RBM47: variants seen among roughly 807,000 people sequenced by gnomAD.
RBM47 encodes RNA binding motif protein 47, also known as RNA-binding protein 47.
RBM47 carries 21 observed loss-of-function variants against 47.1 expected under a neutral mutation model. The observed-to-expected ratio is 0.45, with a 90% CI of 0.32 to 0.64. RBM47 has a LOEUF of 0.64. Ranked by LOEUF, RBM47 falls within the 30% of genes least tolerant of loss-of-function variation. The pLI is 0.05. For missense variants in RBM47, 708 were observed against 870.9 expected, an observed-to-expected ratio of 0.81 and a Z score of 2.35; for synonymous variants, 375 against 361.7, an observed-to-expected ratio of 1.04 and a Z score of -0.42.
intron 2 of RBM47, among the ~76,000 whole-genome samples, chr4:40,539,321 C>T (rs1728269480): frequency 6.6e-6 from 1 of 152,084 alleles, no homozygotes; most frequent in African/African-American, 2.4e-5. Flanking sequence ...AGTTGTTTGA[C>T]CTTTGGGTGT....
At chr4:40,600,899 C>T (rs1164031576) in intron 1 of RBM47, among the ~76,000 whole-genome samples, 2 of 135,738 alleles carry the variant, frequency 1.5e-5, no homozygotes, top group African/African-American at 2.7e-5. Context: ...GGAGGAGAAT[C>T]GCTTGAACCC....
chr4:40,574,380 G>A (rs1265138790), intron 1 of RBM47, among the ~76,000 whole-genome samples: 1 of 152,174 alleles, frequency 6.6e-6, no homozygotes, highest in Non-Finnish European at 1.5e-5. Flanking sequence ...ACACCCGACT[G>A]AGACAAACTG....
chr4:40,500,916 A>G (rs1723272598), intron 2 of RBM47, among the ~76,000 whole-genome samples: 1 of 152,192 alleles, frequency 6.6e-6, no homozygotes, highest in Admixed American at 6.5e-5. Context: ...TTGGTTTTCT[A>G]TCACGTCTCT....
chr4:40,592,971 ATATATATATTT>A (rs1366363357), intron 1 of RBM47, among the ~76,000 whole-genome samples: 4 of 22,798 alleles, frequency 1.8e-4, no homozygotes, highest in Middle Eastern at 0.019. Flanking sequence ...ATATATATAT[ATATATATATTT>A]TTTTTTTTTT....
chr4:40,588,319 A>G (rs1450867113), intron 1 of RBM47, among the ~76,000 whole-genome samples: 1 of 152,162 alleles, frequency 6.6e-6, no homozygotes, highest in Non-Finnish European at 1.5e-5. Context: ...AACCAAGGTA[A>G]TCACTCCTGG....
intron 2 of RBM47, among the ~76,000 whole-genome samples, chr4:40,470,176 G>A (rs1718641271): frequency 6.6e-6 from 1 of 152,134 alleles, no homozygotes; most frequent in South Asian, 2.1e-4. Context: ...TGGAGAAACG[G>A]GGTGGTTTCC....
intron 3 of RBM47, among the ~76,000 whole-genome samples, chr4:40,441,126 A>T (rs4861008): frequency 0.69 from 103,896 of 150,906 alleles, 38,866 homozygotes; most frequent in Non-Finnish European, 0.83. Context: ...TTCTTTTTTT[A>T]AAAATAGAGA....
At chr4:40,558,547 G>A (rs1730313806) in intron 1 of RBM47, among the ~76,000 whole-genome samples, 2 of 149,606 alleles carry the variant, frequency 1.3e-5, no homozygotes, top group African/African-American at 5.0e-5. Context: ...AAAAAAATGG[G>A]CCAGACATGG....
intron 2 of RBM47, among the ~76,000 whole-genome samples, chr4:40,513,128 C>G (rs373683032): frequency 1.8e-4 from 28 of 152,240 alleles, no homozygotes; most frequent in African/African-American, 6.5e-4. Flanking sequence ...TACAAAGCCA[C>G]AGCGAAGTTT....
rs1398230469 is a variant in RBM47, at chr4:40,593,475, T to A, written c.-240+35921A>T. 6.6e-5 allele frequency among the ~76,000 whole-genome samples: 10 copies of A among 152,208 alleles called. No homozygotes were observed. The South Asian group carries it at 2.1e-3, about 32-fold the overall frequency. ...TGTACATCCCTGCCAAGGGAATCGCTTAGAAAATCATTTTTCTCGGGAGGC... is the reference window on the plus strand; with the variant it reads ...TGTACATCCCTGCCAAGGGAATCGCATAGAAAATCATTTTTCTCGGGAGGC... On this transcript the variant is annotated intron_variant, in intron 1 of 6. Coordinates refer to ENST00000295971, the MANE Select transcript of RBM47 (RefSeq NM_001098634.2).
At chr4:40,531,621 A>G (rs983978397) in intron 2 of RBM47, among the ~76,000 whole-genome samples, 2 of 151,976 alleles carry the variant, frequency 1.3e-5, no homozygotes, top group Non-Finnish European at 2.9e-5. Flanking sequence ...ACCAGGGTGA[A>G]GGCTATGCCA....
At chr4:40,583,878 CAAAAAACAAAAAAA>C (rs1733274774) in intron 1 of RBM47, among the ~76,000 whole-genome samples, 2 of 56,506 alleles carry the variant, frequency 3.5e-5, no homozygotes, top group African/African-American at 1.4e-4. Context: ...AAACAAAAAA[CAAAAAACAAAAAAA>C]CCAAAAAGCA....
chr4:40,448,089 C>T (rs1221445844), intron 3 of RBM47, among the ~76,000 whole-genome samples: 5 of 151,278 alleles, frequency 3.3e-5, no homozygotes, highest in East Asian at 1.9e-4. Context: ...CTCAGCTACT[C>T]GGGAGGCTGA....
chr4:40,461,219 G>A (rs1036596519), intron 3 of RBM47, among the ~76,000 whole-genome samples: 20 of 152,052 alleles, frequency 1.3e-4, no homozygotes, highest in African/African-American at 4.1e-4. Flanking sequence ...CATGTCTCGC[G>A]TACTCTGTAC....
chr4:40,573,807 A>AAACAAAGAAAGAAAGAAAGAAAGAAAG, intron 1 of RBM47, among the ~76,000 whole-genome samples: 1 of 136,662 alleles, frequency 7.3e-6, no homozygotes. Flanking sequence ...GAAAGAAAGA[A>AAACAAAGAAAGAAAGAAAGAAAGAAAG]AAAGAAAGAA....
At chr4:40,429,933 G>A (rs1171390786) in intron 6 of RBM47, among the ~76,000 whole-genome samples, 2 of 151,940 alleles carry the variant, frequency 1.3e-5, no homozygotes, top group African/African-American at 2.4e-5. Flanking sequence ...GGTGGCTCAC[G>A]CCTGTAATCC....
At chr4:40,523,035 G>A (rs1025870726) in intron 2 of RBM47, among the ~76,000 whole-genome samples, 7 of 146,960 alleles carry the variant, frequency 4.8e-5, no homozygotes, top group African/African-American at 1.3e-4. Flanking sequence ...GTATGATCTC[G>A]GCTCACTGCA....
intron 1 of RBM47, among the ~76,000 whole-genome samples, chr4:40,590,777 A>C (rs1042449008): frequency 2.6e-4 from 40 of 152,240 alleles, no homozygotes; most frequent in African/African-American, 9.4e-4. Context: ...AAGTGAAAGA[A>C]GCCAGACACA....
intron 6 of RBM47, 115 bp from the exon 7 acceptor site, chr4:40,426,258 A>G: frequency 7.3e-7 from 1 of 1,369,518 alleles, no homozygotes; most frequent in Non-Finnish European, 9.8e-7. Context: ...AGCAAGGGAG[A>G]GAAAGGCAGA....
Sources: allele counts gnomAD v4.1 joint callset (sites outside exome capture counted in the v4.1 genomes callset), GRCh38; gene constraint gnomAD v4.1.1; transcripts MANE v1.5; gene names NCBI Gene and HGNC (gene_info 2026-07-23, HGNC 2026-07-21).